PLPP4: variants seen among roughly 807,000 people sequenced by gnomAD.
The protein encoded by PLPP4 is diacylglycerol pyrophosphate like 2.
Under a neutral mutation model 32.2 loss-of-function variants are expected in PLPP4, and 20 were observed. The ratio of observed to expected loss-of-function variants is 0.62; its 90% CI spans 0.44 to 0.90. PLPP4 has a LOEUF of 0.90. PLPP4 is among the 40% of genes least tolerant of loss of function. The pLI is 0.00. For synonymous variants in PLPP4, 127 were observed against 133.0 expected, an observed-to-expected ratio of 0.95 and a Z score of 0.31; for missense variants, 257 against 353.1, an observed-to-expected ratio of 0.73 and a Z score of 2.18.
intron 5 of PLPP4, among the ~76,000 whole-genome samples, chr10:120,523,485 A>G (rs1390079695): frequency 6.6e-6 from 1 of 151,914 alleles, no homozygotes; most frequent in Non-Finnish European, 1.5e-5. Context: ...TTCCTTCTGT[A>G]TTGATTTTTT....
chr10:120,518,778 AT>A, intron 3 of PLPP4, 54 bp from the exon 4 acceptor site: 2 of 1,381,566 alleles, frequency 1.4e-6, no homozygotes, highest in Non-Finnish European at 2.1e-6. Context: ...GATGATGATG[AT>A]TTTGATTTAA....
chr10:120,578,136 A>G (rs146243665), intron 6 of PLPP4, among the ~76,000 whole-genome samples: 59 of 152,306 alleles, frequency 3.9e-4, no homozygotes, highest in African/African-American at 1.2e-3. Flanking sequence ...CCCCAGCTCC[A>G]TATTTCTTTT....
chr10:120,554,332 C>T (rs757624370), intron 5 of PLPP4, among the ~76,000 whole-genome samples: 13 of 152,178 alleles, frequency 8.5e-5, no homozygotes, highest in African/African-American at 1.7e-4. Flanking sequence ...TCCTCATCTC[C>T]GTCTGAGACC....
chr10:120,560,489 T>A (rs557995285), intron 5 of PLPP4, among the ~76,000 whole-genome samples: 2 of 152,360 alleles, frequency 1.3e-5, no homozygotes, highest in East Asian at 3.9e-4. Flanking sequence ...GCGCAGTGGC[T>A]CACGCCTGTA....
chr10:120,532,722 A>C (rs1200331444), intron 5 of PLPP4, among the ~76,000 whole-genome samples: 1 of 152,222 alleles, frequency 6.6e-6, no homozygotes, highest in Non-Finnish European at 1.5e-5. Flanking sequence ...TAAATGAAAT[A>C]ATACAATATA....
At chr10:120,519,694 C>A (rs920328884) in intron 4 of PLPP4, among the ~76,000 whole-genome samples, 1 of 152,104 alleles carries the variant, frequency 6.6e-6, no homozygotes, top group Non-Finnish European at 1.5e-5. Flanking sequence ...GACAGTACCC[C>A]AGCTGTTCTG....
intron 6 of PLPP4, among the ~76,000 whole-genome samples, chr10:120,578,289 G>C (rs1849318620): frequency 6.6e-6 from 1 of 152,248 alleles, no homozygotes; most frequent in South Asian, 2.1e-4. Context: ...TTCAACTGCA[G>C]TGTAGGTGGA....
chr10:120,519,864 G>A (rs1454659822), intron 4 of PLPP4, among the ~76,000 whole-genome samples: 1 of 152,194 alleles, frequency 6.6e-6, no homozygotes, highest in Admixed American at 6.5e-5. Context: ...AATGTGAGGT[G>A]ATAGGCCATC....
intron 6 of PLPP4, chr10:120,580,782 A>C: frequency 1.3e-6 from 1 of 789,018 alleles, no homozygotes; most frequent in Non-Finnish European, 1.8e-6. Context: ...CCCTTGGAAC[A>C]ATATGATTGT....
chr10:120,562,073 A>G (rs7087991), intron 5 of PLPP4, among the ~76,000 whole-genome samples: 107,044 of 151,990 alleles, frequency 0.7, 37,880 homozygotes, highest in East Asian at 0.81. Flanking sequence ...CTTTCTAAGC[A>G]TATGGTATAT....
At chr10:120,582,687 C>G (rs1172302775) in intron 6 of PLPP4, among the ~76,000 whole-genome samples, 1 of 151,896 alleles carries the variant, frequency 6.6e-6, no homozygotes, top group Non-Finnish European at 1.5e-5. Flanking sequence ...GCTGGTTTTA[C>G]TAGTAACTTA....
At chr10:120,555,396 T>G (rs10510075) in intron 5 of PLPP4, among the ~76,000 whole-genome samples, 32,514 of 152,108 alleles carry the variant, frequency 0.21, 3,932 homozygotes, top group Non-Finnish European at 0.27. Flanking sequence ...GTGAGACAGT[T>G]TAGATAAAAA....
chr10:120,479,603 C>G (rs1844106009), intron 1 of PLPP4, among the ~76,000 whole-genome samples: 1 of 152,204 alleles, frequency 6.6e-6, no homozygotes, highest in African/African-American at 2.4e-5. Context: ...TCATTGCTGT[C>G]CTGCACTGCC....
chr10:120,531,635 T>C (rs886560845), intron 5 of PLPP4, among the ~76,000 whole-genome samples: 1 of 152,146 alleles, frequency 6.6e-6, no homozygotes, highest in African/African-American at 2.4e-5. Flanking sequence ...TTGAAGTTCA[T>C]TTTTTTCATA....
At chr10:120,512,069 G>T (rs1038969794) in intron 2 of PLPP4, among the ~76,000 whole-genome samples, 1 of 152,066 alleles carries the variant, frequency 6.6e-6, no homozygotes. Flanking sequence ...ACTCCAGCCT[G>T]GGTGACAGAG....
At chr10:120,463,079 G>T (rs1321739770) in intron 1 of PLPP4, among the ~76,000 whole-genome samples, 1 of 145,036 alleles carries the variant, frequency 6.9e-6, no homozygotes, top group Non-Finnish European at 1.5e-5. Context: ...CCTGGAATGA[G>T]TGCAATGGTG....
At chr10:120,536,031 A>T (rs1487549033) in intron 5 of PLPP4, among the ~76,000 whole-genome samples, 1 of 152,158 alleles carries the variant, frequency 6.6e-6, no homozygotes, top group Non-Finnish European at 1.5e-5. Flanking sequence ...TAAAATATTG[A>T]TGAAAGAAAT....
chr10:120,541,921 C>T (rs1025700675), intron 5 of PLPP4, among the ~76,000 whole-genome samples: 95 of 152,210 alleles, frequency 6.2e-4, no homozygotes, highest in South Asian at 1.5e-3. Context: ...AGATTACAGG[C>T]GACCGCCACC....
chr10:120,489,732 G>T (rs988771111), intron 1 of PLPP4, among the ~76,000 whole-genome samples: 1 of 152,066 alleles, frequency 6.6e-6, no homozygotes, highest in Non-Finnish European at 1.5e-5. Context: ...TATTGGCCAT[G>T]AGTTACATTT....
Sources: allele counts gnomAD v4.1 joint callset (sites outside exome capture counted in the v4.1 genomes callset), GRCh38; gene constraint gnomAD v4.1.1; transcripts MANE v1.5; gene names NCBI Gene and HGNC (gene_info 2026-07-23, HGNC 2026-07-21).